Variants in FSTL5 observed in about 807,000 individuals in gnomAD.
FSTL5 encodes follistatin-related protein 5.
FSTL5 carries 62 observed loss-of-function variants against 89.1 expected under a neutral mutation model. The observed-to-expected ratio is 0.70, with a 90% CI of 0.57 to 0.86. The LOEUF (loss-of-function observed/expected upper bound fraction) is 0.86. Among genes scored for constraint, FSTL5 ranks in the 40% least tolerant of loss-of-function variants. FSTL5 has a pLI of 0.00. For missense variants in FSTL5, 1,057 were observed against 1,001.6 expected, an observed-to-expected ratio of 1.06 and a Z score of -0.75; for synonymous variants, 383 against 346.2, an observed-to-expected ratio of 1.11 and a Z score of -1.18.
At position 162,044,130 on chromosome 4, in the gene FSTL5, C is replaced by G. The variant is rs1738081283; in HGVS notation, c.127-10472G>C. Among the ~76,000 whole-genome samples the G allele has an allele frequency of 2.6e-5, 4 of 152,212 alleles. No homozygotes were observed. The South Asian group carries it at 8.3e-4, about 32-fold the overall frequency. On this transcript the variant is annotated intron_variant, in intron 2 of 15. Coordinates refer to ENST00000306100, the MANE Select transcript of FSTL5 (RefSeq NM_020116.5). ...GGTTTTTAATTTACTTTGCCCAGAT[C>G]CAGATCCATCAGAGGAATCACTGTC...
chr4:161,613,248 C>T (rs1734714643), intron 7 of FSTL5, among the ~76,000 whole-genome samples: 1 of 151,964 alleles, frequency 6.6e-6, no homozygotes, highest in Non-Finnish European at 1.5e-5. Flanking sequence ...GTCAAGAAAT[C>T]GAGACCATCC....
At chr4:162,143,456 A>G (rs1431616891) in intron 1 of FSTL5, among the ~76,000 whole-genome samples, 1 of 152,142 alleles carries the variant, frequency 6.6e-6, no homozygotes, top group Non-Finnish European at 1.5e-5. Flanking sequence ...ACCAAAAGCA[A>G]TCCTTCATAT....
chr4:161,455,471 T>G (rs1360846274), intron 14 of FSTL5, among the ~76,000 whole-genome samples: 2 of 152,150 alleles, frequency 1.3e-5, no homozygotes, highest in African/African-American at 4.8e-5. Flanking sequence ...AAGTAATGTG[T>G]GATATTAGGA....
At chr4:161,577,305 C>T (rs6841770) in intron 8 of FSTL5, among the ~76,000 whole-genome samples, 3,411 of 151,904 alleles carry the variant, frequency 0.022, 133 homozygotes, top group African/African-American at 0.077. Context: ...ACTTTAAGGC[C>T]TTTAAGAAAA....
chr4:161,671,936 C>T (rs1737128847), intron 6 of FSTL5, among the ~76,000 whole-genome samples: 1 of 152,122 alleles, frequency 6.6e-6, no homozygotes, highest in South Asian at 2.1e-4. Flanking sequence ...GGCACATTCT[C>T]AGCCAGAAGG....
chr4:161,903,898 C>A (rs1264260885), intron 4 of FSTL5, among the ~76,000 whole-genome samples: 1 of 151,768 alleles, frequency 6.6e-6, no homozygotes, highest in East Asian at 1.9e-4. Flanking sequence ...AGTCTTCAGT[C>A]CTTGTTTCAA....
chr4:161,901,309 T>G (rs1733356276), intron 4 of FSTL5, among the ~76,000 whole-genome samples: 1 of 151,956 alleles, frequency 6.6e-6, no homozygotes, highest in Admixed American at 6.6e-5. Context: ...GAGTCCTGAG[T>G]GAAGTGAGAA....
intron 4 of FSTL5, among the ~76,000 whole-genome samples, chr4:161,890,524 C>T (rs1430418368): frequency 6.6e-6 from 1 of 151,828 alleles, no homozygotes; most frequent in Admixed American, 6.6e-5. Context: ...CCCGTCTCTA[C>T]TAAAAATACA....
chr4:161,807,575 A>G (rs901040764), intron 4 of FSTL5, among the ~76,000 whole-genome samples: 1 of 152,174 alleles, frequency 6.6e-6, no homozygotes, highest in East Asian at 1.9e-4. Flanking sequence ...GGTGGGTCAT[A>G]GGTCTCTGCA....
chr4:162,066,975 A>G (rs1031279688), intron 2 of FSTL5, among the ~76,000 whole-genome samples: 7 of 152,016 alleles, frequency 4.6e-5, no homozygotes, highest in Non-Finnish European at 7.4e-5. Context: ...GTCAAATGGT[A>G]TTAGTTCTAG....
intron 2 of FSTL5, among the ~76,000 whole-genome samples, chr4:162,110,306 A>G (rs1731385507): frequency 1.3e-5 from 2 of 152,014 alleles, no homozygotes; most frequent in African/African-American, 4.8e-5. Flanking sequence ...TTTGAAGATT[A>G]AATCAGATAA....
At chr4:161,764,459 A>T (rs763901391) in intron 5 of FSTL5, among the ~76,000 whole-genome samples, 12 of 152,010 alleles carry the variant, frequency 7.9e-5, no homozygotes, top group Non-Finnish European at 1.8e-4. Context: ...GGGTTTTACC[A>T]TGTTGGCCAG....
chr4:161,832,988 G>C (rs1002714633), intron 4 of FSTL5, among the ~76,000 whole-genome samples: 1 of 149,488 alleles, frequency 6.7e-6, no homozygotes. Flanking sequence ...GTCAATTTTG[G>C]ATCTTTCCTG....
intron 2 of FSTL5, among the ~76,000 whole-genome samples, chr4:162,061,275 C>T (rs1212193603): frequency 6.6e-6 from 1 of 152,002 alleles, no homozygotes; most frequent in Admixed American, 6.6e-5. Flanking sequence ...CAAGCCTTCC[C>T]AGTGAAAACA....
chr4:161,789,072 A>G (rs1238523653), intron 4 of FSTL5, among the ~76,000 whole-genome samples: 2 of 152,324 alleles, frequency 1.3e-5, no homozygotes, highest in East Asian at 3.9e-4. Flanking sequence ...CTTCTCTTTG[A>G]AGATGACAGA....
At chr4:161,808,984 C>T (rs1294196465) in intron 4 of FSTL5, among the ~76,000 whole-genome samples, 3 of 152,056 alleles carry the variant, frequency 2.0e-5, no homozygotes, top group African/African-American at 7.2e-5. Flanking sequence ...TTTGGGAGGC[C>T]GAGGCGGGCA....
chr4:161,483,799 TG>T, intron 12 of FSTL5, among the ~76,000 whole-genome samples: 1 of 152,208 alleles, frequency 6.6e-6, no homozygotes, highest in East Asian at 1.9e-4. Flanking sequence ...TAATACATAC[TG>T]ATGAAGAAAG....
At chr4:161,849,350 G>C (rs1345364320) in intron 4 of FSTL5, among the ~76,000 whole-genome samples, 4 of 151,796 alleles carry the variant, frequency 2.6e-5, no homozygotes, top group Non-Finnish European at 5.9e-5. Flanking sequence ...TCAATACACT[G>C]AATGTTTAGC....
chr4:161,618,098 G>A (rs1258018703), intron 7 of FSTL5, among the ~76,000 whole-genome samples: 1 of 149,350 alleles, frequency 6.7e-6, no homozygotes, highest in Non-Finnish European at 1.5e-5. Flanking sequence ...GTGAATGGGA[G>A]TTCACTCATG....
Sources: allele counts gnomAD v4.1 joint callset (sites outside exome capture counted in the v4.1 genomes callset), GRCh38; gene constraint gnomAD v4.1.1; transcripts MANE v1.5; gene names NCBI Gene and HGNC (gene_info 2026-07-23, HGNC 2026-07-21).